Variants in ZNF599 observed in about 807,000 individuals in gnomAD.
ZNF599 encodes the protein zinc finger protein 599.
Under a neutral mutation model 11.7 loss-of-function variants are expected in ZNF599, and 10 were observed. That is an observed-to-expected ratio of 0.86 (90% CI 0.53 to 1.45). The LOEUF (loss-of-function observed/expected upper bound fraction) is 1.45, where lower values mean the gene tolerates loss of function less well. Ranked by LOEUF, ZNF599 falls within the 40% of genes most tolerant of loss-of-function variation. The pLI, the probability that ZNF599 is intolerant of heterozygous loss-of-function variation, is 0.00. For missense variants in ZNF599, 688 were observed against 713.6 expected, an observed-to-expected ratio of 0.96 and a Z score of 0.41; for synonymous variants, 232 against 253.2, an observed-to-expected ratio of 0.92 and a Z score of 0.79.
chr19:34,805,740 C>T, the ZNF599 span, among the ~76,000 whole-genome samples: 47 of 152,138 alleles, frequency 3.1e-4, no homozygotes, highest in Middle Eastern at 3.2e-3. Context: ...TATGCCATTG[C>T]TCCCATCAAC....
chr19:34,784,986 C>T, the ZNF599 span, among the ~76,000 whole-genome samples: 1 of 149,036 alleles, frequency 6.7e-6, no homozygotes, highest in African/African-American at 2.5e-5. Flanking sequence ...ACCCGAATCC[C>T]TCCCCAGCAC....
chr19:34,779,231 C>A, the ZNF599 span, among the ~76,000 whole-genome samples: 1 of 149,982 alleles, frequency 6.7e-6, no homozygotes, highest in African/African-American at 2.5e-5. Context: ...AGGTATGTGC[C>A]ACCATGCCCA....
intron 3 of ZNF599, among the ~76,000 whole-genome samples, chr19:34,761,561 C>T (rs972686512): frequency 4.6e-5 from 7 of 152,010 alleles, no homozygotes; most frequent in Non-Finnish European, 1.0e-4. Flanking sequence ...TGCATTCAGG[C>T]AGTGTGATTA....
the ZNF599 span, among the ~76,000 whole-genome samples, chr19:34,779,192 C>T: frequency 2.3e-3 from 341 of 151,004 alleles, 2 homozygotes; most frequent in African/African-American, 7.9e-3. Context: ...CTTCCCACCA[C>T]AGCCTCCTGA....
At chr19:34,771,727 G>A (rs1182308277) in intron 1 of ZNF599, among the ~76,000 whole-genome samples, 2 of 152,172 alleles carry the variant, frequency 1.3e-5, no homozygotes, top group Non-Finnish European at 2.9e-5. Context: ...AGTAGGATGG[G>A]AGCCCCAGAG....
At chr19:34,769,090 C>T (rs2069164644) in intron 2 of ZNF599, among the ~76,000 whole-genome samples, 1 of 152,200 alleles carries the variant, frequency 6.6e-6, no homozygotes, top group Non-Finnish European at 1.5e-5. Context: ...CTTGTAGAAC[C>T]TCCCATTATC....
At chr19:34,804,142 C>T in the ZNF599 span, among the ~76,000 whole-genome samples, 3 of 152,178 alleles carry the variant, frequency 2.0e-5, no homozygotes, top group Admixed American at 2.0e-4. Flanking sequence ...GTTTTAGATA[C>T]CTCCCCGCAA....
chr19:34,790,414 A>G, the ZNF599 span, among the ~76,000 whole-genome samples: 2 of 152,250 alleles, frequency 1.3e-5, no homozygotes, highest in Non-Finnish European at 2.9e-5. Flanking sequence ...ACAGAAAGAC[A>G]ATGAAATATT....
the ZNF599 span, among the ~76,000 whole-genome samples, chr19:34,779,243 C>CTTTTTTTT: frequency 3.5e-5 from 2 of 57,310 alleles, no homozygotes; most frequent in African/African-American, 1.4e-4. Context: ...CCATGCCCAG[C>CTTTTTTTT]TTTTTTTTTT....
rs1287567368 is a variant in ZNF599, at chr19:34,761,526, G to A, written c.242-967C>T. On this transcript the variant is annotated intron_variant, in intron 3 of 3. Coordinates refer to ENST00000329285, the MANE Select transcript of ZNF599 (RefSeq NM_001007248.3). ...TAAAGCAGGGGCCTTACCCTATGAGGACTTAGTATTATGATGAAACTATAT... is the reference window on the plus strand; with the variant it reads ...TAAAGCAGGGGCCTTACCCTATGAGAACTTAGTATTATGATGAAACTATAT... Among the ~76,000 whole-genome samples, 3 of 152,166 alleles carry A rather than the reference G, an allele frequency of 2.0e-5. No homozygotes were observed. The East Asian group carries it at 5.8e-4, about 29-fold the overall frequency.
the ZNF599 span, among the ~76,000 whole-genome samples, chr19:34,784,817 C>T: frequency 0.024 from 3,564 of 151,234 alleles, 136 homozygotes; most frequent in African/African-American, 0.084. Flanking sequence ...TCCTCATGGC[C>T]AGTGATTTGC....
rs1188070475 is a variant in ZNF599, at chr19:34,759,578, G to A, written c.1223C>T (p.Ser408Phe). ...GECGKAFTHR[S>F]TFIRHKRTHT... is the part of the protein sequence containing the mutation. ...GGTCCTCTTATGTCGGATGAAAGTGGAGCGATGAGTAAAGGCCTTTCCACA... is the reference window on the plus strand; with the variant it reads ...GGTCCTCTTATGTCGGATGAAAGTGAAGCGATGAGTAAAGGCCTTTCCACA... Residue 408 changes from serine (S) to phenylalanine (F), a missense_variant, in exon 4 of 4, where the codon TCC becomes TTC. Coordinates refer to ENST00000329285, the MANE Select transcript of ZNF599 (RefSeq NM_001007248.3). 3 of 1,613,718 alleles carry A rather than the reference G, an allele frequency of 1.9e-6. No individual in the cohort carries two copies. Among genetic ancestry groups the A allele is most frequent in the South Asian group, 1.1e-5 (1 of 91,064 alleles).
the ZNF599 span, among the ~76,000 whole-genome samples, chr19:34,804,711 T>C: frequency 6.6e-6 from 1 of 152,214 alleles, no homozygotes; most frequent in Non-Finnish European, 1.5e-5. Context: ...AAATTACTTT[T>C]ACTACTAACT....
At chr19:34,764,224 G>A (rs936851933) in intron 3 of ZNF599, 1 of 152,216 alleles carries the variant, frequency 6.6e-6, no homozygotes, top group African/African-American at 2.4e-5. Flanking sequence ...AACACTTTAA[G>A]TGCTGTGGTG....
chr19:34,798,058 G>A, the ZNF599 span, among the ~76,000 whole-genome samples: 1 of 152,136 alleles, frequency 6.6e-6, no homozygotes, highest in Non-Finnish European at 1.5e-5. Context: ...CTGACTCCAC[G>A]TCGGTTTATA....
chr19:34,777,358 AT>A (rs1340977365), upstream of ZNF599, among the ~76,000 whole-genome samples: 1 of 88,348 alleles, frequency 1.1e-5, no homozygotes, highest in African/African-American at 4.7e-5. Flanking sequence ...TATATTATAT[AT>A]TAATATATTA....
chr19:34,762,998 A>G (rs2069121257), intron 3 of ZNF599: 1 of 152,228 alleles, frequency 6.6e-6, no homozygotes, highest in Admixed American at 6.5e-5. Flanking sequence ...TCAAATTACC[A>G]AAACGGACAA....
Position 34,759,193 on chromosome 19 carries a change from TTCAAAAGG to T in ZNF599, c.1600_1607del (p.Pro534MetfsTer5). ...AGAAGGCTTTCTCACATTCTTTGCA[TTCAAAAGG>T]TTTTTCTCCAGTGTGGATCCTATTA... On this transcript the variant is annotated frameshift_variant, in exon 4 of 4. Coordinates refer to ENST00000329285, the MANE Select transcript of ZNF599 (RefSeq NM_001007248.3). LOFTEE classifies it low-confidence loss of function (END_TRUNC). The T allele has an allele frequency of 6.2e-7, 1 of 1,614,132 alleles. No homozygotes were observed. The highest frequency in any genetic ancestry group is 8.5e-7 in the Non-Finnish European group (1 of 1,180,018).
chr19:34,802,659 G>T, the ZNF599 span, among the ~76,000 whole-genome samples: 6 of 152,148 alleles, frequency 3.9e-5, no homozygotes, highest in Non-Finnish European at 7.4e-5. Flanking sequence ...GGAGAAGAAA[G>T]GTAGAAATGA....
Sources: allele counts gnomAD v4.1 joint callset (sites outside exome capture counted in the v4.1 genomes callset), GRCh38; gene constraint gnomAD v4.1.1; transcripts MANE v1.5; gene names NCBI Gene and HGNC (gene_info 2026-07-23, HGNC 2026-07-21).